PCDHGB2: variants seen among roughly 807,000 people sequenced by gnomAD.
PCDHGB2 encodes protocadherin gamma subfamily B, 2.
Under a neutral mutation model 59.3 loss-of-function variants are expected in PCDHGB2, and 55 were observed. The ratio of observed to expected loss-of-function variants is 0.93; its 90% confidence interval spans 0.75 to 1.16. The LOEUF (loss-of-function observed/expected upper bound fraction) is 1.16. Among genes scored for constraint, PCDHGB2 ranks in the 50% most tolerant of loss-of-function variants. PCDHGB2 has a pLI of 0.00. For synonymous variants in PCDHGB2, 516 were observed against 512.0 expected (o/e 1.01, Z -0.11); for missense variants, 1,228 against 1,198.5 (o/e 1.02, Z -0.36).
chr5:141,387,388 T>C (rs1323763140), intron 1 of PCDHGB2, among the ~76,000 whole-genome samples: 3 of 152,196 alleles, frequency 2.0e-5, no homozygotes, highest in Non-Finnish European at 2.9e-5. Flanking sequence ...ATATAGATAG[T>C]GCATGTTTGA....
intron 1 of PCDHGB2, chr5:141,388,092 T>C: frequency 8.7e-6 from 12 of 1,373,060 alleles, no homozygotes; most frequent in Non-Finnish European, 1.2e-5. Flanking sequence ...GCGCGTCAGT[T>C]CGGAGAAGCC....
At chr5:141,441,797 G>T in intron 1 of PCDHGB2, 1 of 386,536 alleles carries the variant, frequency 2.6e-6, no homozygotes, top group Non-Finnish European at 5.2e-6. Context: ...ACAACGCACC[G>T]CGGGTGCTGT....
intron 1 of PCDHGB2, chr5:141,441,337 T>A (rs980210130): frequency 6.6e-6 from 1 of 152,112 alleles, no homozygotes; most frequent in African/African-American, 2.4e-5. Flanking sequence ...CTCCAATAAT[T>A]AACTACATGC....
At chr5:141,426,702 C>CA (rs1187798274) in intron 1 of PCDHGB2, 1 of 439,184 alleles carries the variant, frequency 2.3e-6, no homozygotes, top group Admixed American at 2.4e-5. Context: ...CATTGTTTTA[C>CA]AAATCAATGA....
intron 1 of PCDHGB2, chr5:141,366,450 TC>T (rs1764566733): frequency 6.2e-7 from 1 of 1,614,230 alleles, no homozygotes; most frequent in Non-Finnish European, 8.5e-7. Flanking sequence ...TTCCTGGCCT[TC>T]GTCATCGTGC....
At chr5:141,455,755 T>C (rs1283272521) in intron 1 of PCDHGB2, among the ~76,000 whole-genome samples, 1 of 152,150 alleles carries the variant, frequency 6.6e-6, no homozygotes, top group Non-Finnish European at 1.5e-5. Flanking sequence ...CTGGCCTGGC[T>C]CCTAGAGCCG....
chr5:141,446,458 G>A (rs2098502933), intron 1 of PCDHGB2, among the ~76,000 whole-genome samples: 1 of 151,662 alleles, frequency 6.6e-6, no homozygotes, highest in African/African-American at 2.4e-5. Flanking sequence ...TATTCAGTGT[G>A]TGATTAGACA....
intron 1 of PCDHGB2, among the ~76,000 whole-genome samples, chr5:141,446,453 A>T (rs2098502702): frequency 6.6e-6 from 1 of 151,946 alleles, no homozygotes; most frequent in Non-Finnish European, 1.5e-5. Context: ...GCAGATATTC[A>T]GTGTGTGATT....
At chr5:141,473,189 A>G (rs1049891105) in intron 1 of PCDHGB2, among the ~76,000 whole-genome samples, 2 of 152,198 alleles carry the variant, frequency 1.3e-5, no homozygotes, top group Admixed American at 6.5e-5. Flanking sequence ...GAAGGAGTAA[A>G]TGTATCTTCT....
intron 1 of PCDHGB2, among the ~76,000 whole-genome samples, chr5:141,475,556 T>A (rs1420756007): frequency 6.6e-6 from 1 of 152,248 alleles, no homozygotes; most frequent in Non-Finnish European, 1.5e-5. Context: ...CGGCTAATTG[T>A]CTGTCTTCCA....
chr5:141,369,441 A>T (rs1766249196), intron 1 of PCDHGB2, among the ~76,000 whole-genome samples: 1 of 152,152 alleles, frequency 6.6e-6, no homozygotes, highest in African/African-American at 2.4e-5. Flanking sequence ...CTGAGGTGGG[A>T]GGATTGCTTA....
intron 1 of PCDHGB2, chr5:141,379,535 GGAAA>G (rs1209928987): frequency 6.6e-6 from 1 of 152,098 alleles, no homozygotes; most frequent in Non-Finnish European, 1.5e-5. Flanking sequence ...GTTGTTATAG[GGAAA>G]GCTCACTAAC....
At chr5:141,416,641 C>A (rs996381588) in intron 1 of PCDHGB2, 1 of 152,056 alleles carries the variant, frequency 6.6e-6, no homozygotes, top group Non-Finnish European at 1.5e-5. Context: ...AAACACCAAC[C>A]ACAGCTGTAA....
At chr5:141,413,257 T>A (rs777964429) in intron 1 of PCDHGB2, 1 of 1,613,836 alleles carries the variant, frequency 6.2e-7, no homozygotes, top group African/African-American at 1.3e-5. Flanking sequence ...CGGGATTCCA[T>A]GGGAGGCTGG....
At chr5:141,407,960 C>T in intron 1 of PCDHGB2, 1 of 669,186 alleles carries the variant, frequency 1.5e-6, no homozygotes, top group Non-Finnish European at 2.4e-6. Flanking sequence ...CAGTGCAGAG[C>T]AAGCGCTGAC....
At chr5:141,400,637 C>T (rs1198861683) in intron 1 of PCDHGB2, 1 of 1,324,714 alleles carries the variant, frequency 7.5e-7, no homozygotes, top group Non-Finnish European at 1.1e-6. Flanking sequence ...GTCAGAGCTG[C>T]TCAGAAAGCT....
chr5:141,486,506 A>C lies in PCDHGB2; in HGVS notation c.2422-8301A>C. The C allele has an allele frequency of 6.2e-7, 1 of 1,614,134 alleles. No individual in the cohort carries two copies. The highest frequency in any genetic ancestry group is 8.5e-7 in the Non-Finnish European group (1 of 1,180,006). Reference sequence around the variant, plus strand: ...TACCCACAGAACTATTTTCCTCAATATTTCAGATGTGAATGATAATCCACC... The same window carrying C: ...TACCCACAGAACTATTTTCCTCAATCTTTCAGATGTGAATGATAATCCACC... On this transcript the variant is annotated intron_variant, in intron 1 of 3. Transcript: ENST00000522605. The surrounding 1 kb of genome is among the most constrained non-coding windows in gnomAD (Gnocchi z 5.0).
intron 1 of PCDHGB2, chr5:141,376,204 C>T (rs185484474): frequency 1.7e-5 from 28 of 1,614,080 alleles, no homozygotes; most frequent in Admixed American, 1.3e-4. Context: ...TCCTGGCCTT[C>T]GTCATCGTGC....
At chr5:141,401,128 G>A (rs1271194736) in intron 1 of PCDHGB2, among the ~76,000 whole-genome samples, 3 of 152,166 alleles carry the variant, frequency 2.0e-5, no homozygotes, top group Non-Finnish European at 4.4e-5. Context: ...TGGATCACAT[G>A]GTCAGGAGTT....
Sources: gnomAD v4.1 joint callset for allele counts (sites outside exome capture counted in the v4.1 genomes callset) on GRCh38, gnomAD v4.1.1 for gene constraint, Gnocchi (gnomAD v3.1) non-coding constraint, MANE v1.5 for transcripts, NCBI Gene and HGNC (gene_info 2026-07-23, HGNC 2026-07-21) for gene names.